The following NFATC2 variants were observed in gnomAD, a reference collection of about 807,000 sequenced individuals.
NFATC2 encodes the protein nuclear factor of activated T cells 2.
NFATC2 carries 22 observed loss-of-function variants against 87.3 expected under a neutral mutation model. The ratio of observed to expected loss-of-function variants is 0.25; its 90% CI spans 0.18 to 0.36. The LOEUF is 0.36. Among genes scored for constraint, NFATC2 ranks in the 10% least tolerant of loss-of-function variants. NFATC2 has a pLI of 1.00. For missense variants in NFATC2, 1,149 were observed against 1,259.1 expected (o/e 0.91, Z 1.32); for synonymous variants, 565 against 542.2 (o/e 1.04, Z -0.58).
intron 1 of NFATC2, among the ~76,000 whole-genome samples, chr20:51,525,112 CA>C (rs1423018178): frequency 6.6e-6 from 1 of 152,120 alleles, no homozygotes; most frequent in Non-Finnish European, 1.5e-5. Flanking sequence ...CCCAGCTACT[CA>C]GGAGGCTGAG....
In NFATC2 at chr20:51,432,564, T is replaced by A; in HGVS notation, c.2225A>T (p.Tyr742Phe). The stretch of plus-strand genomic sequence containing the variant: ...TACGGCCGCTGGGTTCTGTTGCTGG[T>A]AGCGGGCGTCAGGGGATGAGAGCCC... ...RTGLSSPDAR[Y>F]QQQNPAAVLY... Residue 742 changes from tyrosine (Y) to phenylalanine (F), a missense_variant, in exon 9 of 11, where the codon TAC becomes TTC. Physicochemically the swap from Tyr to Phe is conservative, Grantham distance 22. Around this residue, in one of 3 missense-constraint regions of NFATC2, gnomAD observed 581 missense variants for 649.7 expected, o/e 0.89. Coordinates refer to ENST00000371564, the MANE Select transcript of NFATC2 (RefSeq NM_012340.5). This position sits in a 1 kb window ranked among gnomAD's most constrained non-coding sequence, Gnocchi z 4.6. 1 of 1,537,776 alleles carries A rather than the reference T, an allele frequency of 6.5e-7. No individual in the cohort carries two copies. The highest frequency in any genetic ancestry group is 8.7e-7 in the Non-Finnish European group (1 of 1,143,056).
rs111429995 is a variant in NFATC2 at position 51,526,845 on chromosome 20, C to T, written c.131-2735G>A. Reference sequence around the variant, plus strand: ...TGGGCCCTGCCTGTGCATCTACCCTCGCCTGCATTCACTCTCTCCCCTCCC... The same window carrying T: ...TGGGCCCTGCCTGTGCATCTACCCTTGCCTGCATTCACTCTCTCCCCTCCC... On this transcript the variant is annotated intron_variant, in intron 1 of 10. Transcript: ENST00000371564. Among the ~76,000 whole-genome samples, 916 of 152,284 alleles carry T rather than the reference C, an allele frequency of 6.0e-3. 16 individuals are homozygous for T. The highest frequency in any genetic ancestry group is 0.021 in the African/African-American group (858 of 41,548).
intron 9 of NFATC2, among the ~76,000 whole-genome samples, chr20:51,427,158 G>A (rs1282000017): frequency 2.0e-5 from 3 of 152,086 alleles, no homozygotes; most frequent in Non-Finnish European, 2.9e-5. Context: ...GAGTCTCTGG[G>A]CAGCTGTAGT....
At chr20:51,504,583 C>T (rs1697745126) in intron 3 of NFATC2, among the ~76,000 whole-genome samples, 1 of 152,228 alleles carries the variant, frequency 6.6e-6, no homozygotes, top group African/African-American at 2.4e-5. Context: ...TCCTCAAAAA[C>T]CTATTGAAAT....
At chr20:51,460,852 C>T (rs1047000614) in intron 5 of NFATC2, among the ~76,000 whole-genome samples, 3 of 152,162 alleles carry the variant, frequency 2.0e-5, no homozygotes, top group African/African-American at 7.2e-5. Flanking sequence ...CCCCCAGCAA[C>T]GCAGGGTCAG....
At chr20:51,557,136 G>T (rs376798484) in intron 1 of NFATC2, among the ~76,000 whole-genome samples, 2 of 152,254 alleles carry the variant, frequency 1.3e-5, no homozygotes, top group African/African-American at 4.8e-5. Context: ...ACCACTCCCC[G>T]TGTTCTCTAA....
chr20:51,474,903 A>G (rs6021229), intron 4 of NFATC2, among the ~76,000 whole-genome samples: 24,400 of 152,006 alleles, frequency 0.16, 2,482 homozygotes, highest in African/African-American at 0.29. Context: ...CCCATGCAAC[A>G]TAACACAAAT....
Position 51,432,612 on chromosome 20 carries a change from G to T in NFATC2, c.2177C>A (p.Ala726Asp). ...CCCCGTGCGGAACTGCTGGCAGGGA[G>T]CCATGGTGGCCACGAGGCAGGAGGG... is the stretch of plus-strand genomic sequence containing the variant. ...ESPSCLVATM[A>D]PCQQFRTGLS... is the part of the protein sequence containing the mutation. The change falls in exon 9 of 11, where the codon GCT becomes GAT. Residue 726 changes from alanine to aspartate, a missense_variant. Physicochemically the swap from Ala to Asp is moderately radical, Grantham distance 126. Coordinates refer to ENST00000371564, the MANE Select transcript of NFATC2 (RefSeq NM_012340.5). The surrounding 1 kb of genome is among the most constrained non-coding windows in gnomAD (Gnocchi z 4.6). 6.5e-7 allele frequency: 1 copy of T among 1,530,166 alleles called. No homozygotes were observed. 94.8% of individuals were successfully genotyped at this position (1,530,166 alleles called of 1,614,324 possible).
intron 2 of NFATC2, among the ~76,000 whole-genome samples, chr20:51,522,573 C>CTTTTTT (rs10648166): frequency 6.9e-6 from 1 of 145,504 alleles, no homozygotes; most frequent in African/African-American, 2.5e-5. Context: ...TCACATATTT[C>CTTTTTT]TTTTTTTTTT....
chr20:51,445,255 G>C (rs1305429609), intron 6 of NFATC2, among the ~76,000 whole-genome samples: 1 of 152,122 alleles, frequency 6.6e-6, no homozygotes, highest in Non-Finnish European at 1.5e-5. Context: ...AGCCGCCCGG[G>C]CCTGCTTCCC....
chr20:51,435,053 G>A (rs1364826704), intron 8 of NFATC2, 135 bp downstream of exon 8: 1 of 1,091,874 alleles, frequency 9.2e-7, no homozygotes, highest in Non-Finnish European at 1.3e-6. Context: ...CTGTCTCACA[G>A]ATGATGCAAC....
intron 1 of NFATC2, among the ~76,000 whole-genome samples, chr20:51,561,010 C>A (rs2077016276): frequency 6.6e-6 from 1 of 152,150 alleles, no homozygotes; most frequent in East Asian, 1.9e-4. Flanking sequence ...CCTCCACCCC[C>A]ACCACGAGAA....
intron 6 of NFATC2, among the ~76,000 whole-genome samples, chr20:51,445,512 G>C (rs1195136288): frequency 6.6e-6 from 1 of 152,188 alleles, no homozygotes; most frequent in Non-Finnish European, 1.5e-5. Flanking sequence ...CCTTTTTACT[G>C]CAAGTATGTC....
At chr20:51,557,341 C>T (rs910705048) in intron 1 of NFATC2, among the ~76,000 whole-genome samples, 5 of 152,158 alleles carry the variant, frequency 3.3e-5, no homozygotes, top group Non-Finnish European at 5.9e-5. Context: ...CTCCACCACT[C>T]GCTAGGGCTG....
rs761711290 is a variant in NFATC2 at position 51,480,875 on chromosome 20, C to T, written c.1333-5215G>A. On this transcript the variant is annotated intron_variant, in intron 3 of 10. Coordinates refer to ENST00000371564, the MANE Select transcript of NFATC2 (RefSeq NM_012340.5). This position sits in a 1 kb window ranked among gnomAD's most constrained non-coding sequence, Gnocchi z 4.2. ...AAATCGAAACAGGGAGGTGATATTACAGAACTGAATGGAAGGGTGAAGAAT... is the reference window on the plus strand; with the variant it reads ...AAATCGAAACAGGGAGGTGATATTATAGAACTGAATGGAAGGGTGAAGAAT... Among the ~76,000 whole-genome samples the T allele has an allele frequency of 2.6e-5, 4 of 152,210 alleles. No homozygotes were observed. Among genetic ancestry groups the T allele is most frequent in the Non-Finnish European group, 4.4e-5 (3 of 68,014 alleles).
At chr20:51,512,422 G>A (rs1284734551) in intron 3 of NFATC2, among the ~76,000 whole-genome samples, 1 of 152,142 alleles carries the variant, frequency 6.6e-6, no homozygotes, top group Non-Finnish European at 1.5e-5. Context: ...CTCCCTCAGG[G>A]CATGAGCTGT....
intron 3 of NFATC2, among the ~76,000 whole-genome samples, chr20:51,485,728 C>G (rs1989655407): frequency 2.6e-5 from 4 of 152,164 alleles, no homozygotes; most frequent in Admixed American, 2.6e-4. Context: ...GTTTCATCAT[C>G]TGTAAATGTG....
chr20:51,399,212 A>G (rs1987704130), intron 9 of NFATC2: 1 of 153,710 alleles, frequency 6.5e-6, no homozygotes, highest in South Asian at 2.0e-4. Context: ...AAATTCATAA[A>G]ACTGCACATT....
Position 51,454,678 on chromosome 20 carries a change from A to C in NFATC2, c.1719T>G (p.Ser573=), listed in dbSNP as rs1304238126. The change falls in exon 6 of 11, where the codon TCT becomes TCG. Residue 573 remains serine, a synonymous_variant. Coordinates refer to ENST00000371564, the MANE Select transcript of NFATC2 (RefSeq NM_012340.5). ...ASNPIECSQR[S]AHELPMVERQ... is the part of the protein sequence containing the mutation. ...TTTCAACCATGGGCAGCTCGTGAGC[A>C]GATCGCTGGGCTGCAGGCAAAAGAG... The C allele has an allele frequency of 5.6e-6, 9 of 1,613,952 alleles. No individual in the cohort carries two copies. Among genetic ancestry groups the C allele is most frequent in the African/African-American group, 1.3e-5 (1 of 75,056 alleles).
Sources: allele counts gnomAD v4.1 joint callset (sites outside exome capture counted in the v4.1 genomes callset), GRCh38; gene constraint gnomAD v4.1.1; regional missense constraint gnomAD v4.1.1; non-coding constraint Gnocchi (gnomAD v3.1); transcripts MANE v1.5; gene names NCBI Gene and HGNC (gene_info 2026-07-23, HGNC 2026-07-21).